Variants in TSPEAR observed in about 807,000 individuals in gnomAD.
The protein encoded by TSPEAR is thrombospondin type laminin G domain and EAR repeats.
TSPEAR carries 69 observed loss-of-function variants against 71.6 expected under a neutral mutation model. The ratio of observed to expected loss-of-function variants is 0.96; its 90% CI spans 0.79 to 1.18. TSPEAR has a LOEUF of 1.18. TSPEAR is among the 50% of genes most tolerant of loss of function. TSPEAR has a pLI of 0.00. For synonymous variants in TSPEAR, 402 were observed against 387.2 expected, an observed-to-expected ratio of 1.04 and a Z score of -0.45; for missense variants, 971 against 894.9, an observed-to-expected ratio of 1.09 and a Z score of -1.09.
At chr21:44,511,901 G>A (rs751286173) in intron 9 of TSPEAR, among the ~76,000 whole-genome samples, 192 of 152,264 alleles carry the variant, frequency 1.3e-3, no homozygotes, top group Non-Finnish European at 2.1e-3. Flanking sequence ...GGGCTGAGCC[G>A]GGCATCACAT....
At chr21:44,603,546 G>GC (rs1303974494) in intron 1 of TSPEAR, among the ~76,000 whole-genome samples, 2 of 152,172 alleles carry the variant, frequency 1.3e-5, no homozygotes, top group Non-Finnish European at 2.9e-5. Context: ...GGGGAAACAC[G>GC]CCCCCCACGC....
intron 1 of TSPEAR, among the ~76,000 whole-genome samples, chr21:44,597,216 T>C (rs1555927713): frequency 2.6e-5 from 4 of 152,098 alleles, no homozygotes; most frequent in Admixed American, 2.0e-4. Flanking sequence ...TTTTAAGCTA[T>C]GTAATTAGAT....
chr21:44,557,757 A>G (rs2838589), intron 2 of TSPEAR: 101,724 of 453,696 alleles, frequency 0.22, 13,402 homozygotes, highest in East Asian at 0.39. Flanking sequence ...TTCTTCCCAC[A>G]GGGTTTGCCA....
chr21:44,652,090 TCTC>T (rs1446323203), intron 1 of TSPEAR, among the ~76,000 whole-genome samples: 2 of 151,486 alleles, frequency 1.3e-5, no homozygotes, highest in Admixed American at 6.6e-5. Context: ...TTCACACAAT[TCTC>T]CTGCCTCAGC....
intron 1 of TSPEAR, chr21:44,647,108 A>G: frequency 3.1e-6 from 5 of 1,613,462 alleles, no homozygotes; most frequent in South Asian, 1.1e-5. Context: ...TCACGCTGCC[A>G]GCAGCCTAGC....
rs781894199 is a variant in TSPEAR, at chr21:44,666,434, G to A, written c.82+44999C>T. ...CATCTGCACTGGGAGCAGCGGGTCT[G>A]GAGATTCATGCTCAGCAGCAGGAAG... On this transcript the variant is annotated intron_variant, in intron 1 of 11. Coordinates refer to ENST00000323084, the MANE Select transcript of TSPEAR (RefSeq NM_144991.3). 4.5e-6 allele frequency: 7 copies of A among 1,568,284 alleles called. No homozygotes were observed. The Admixed American group carries it at 1.0e-4, about 23-fold the overall frequency.
At chr21:44,557,560 G>A (rs2053553040) in intron 2 of TSPEAR, among the ~76,000 whole-genome samples, 1 of 152,150 alleles carries the variant, frequency 6.6e-6, no homozygotes, top group Non-Finnish European at 1.5e-5. Context: ...GGCCGGGCCG[G>A]GTGGGTGTGG....
Position 44,612,957 on chromosome 21 carries a change from G to C in TSPEAR, c.83-44952C>G. 6.4e-7 allele frequency: 1 copy of C among 1,570,324 alleles called. No homozygotes were observed. The highest frequency in any genetic ancestry group is 8.6e-7 in the Non-Finnish European group (1 of 1,161,506). On this transcript the variant is annotated intron_variant, in intron 1 of 11. Transcript: ENST00000323084. The surrounding 1 kb of genome is among the most constrained non-coding windows in gnomAD (Gnocchi z 4.1). ...CCAGCCGGCTCCGGTCCTGTCCTGG[G>C]TTAAGTGGCTGCCCCTACCTGGGAT...
Position 44,519,115 on chromosome 21 carries a change from G to A in TSPEAR, c.1566+2768C>T, listed in dbSNP as rs190947881. The A allele has an allele frequency of 9.1e-3, 1,399 of 154,124 alleles. 10 individuals carry two copies. Among genetic ancestry groups the A allele is most frequent in the South Asian group, 0.017 (84 of 5,038 alleles). 9.5% of individuals were successfully genotyped at this position (154,124 alleles called of 1,614,324 possible). A position where few individuals can be genotyped will look rare whatever the true frequency, so the allele number is the denominator to read the frequency against. On this transcript the variant is annotated intron_variant, in intron 9 of 11. Transcript: ENST00000323084. ...GTGATCTCGGCTCACTGCAAGCTCC[G>A]CCTCCCGGGTTCACGCCATTCTCCT... is the stretch of plus-strand genomic sequence containing the variant.
rs1569190290 is a variant in TSPEAR at position 44,567,843 on chromosome 21, A to C, written c.245T>G (p.Leu82Arg). 6.2e-7 allele frequency: 1 copy of C among 1,607,810 alleles called. No individual in the cohort carries two copies. Among genetic ancestry groups the C allele is most frequent in the Non-Finnish European group, 8.5e-7 (1 of 1,176,450 alleles). ...PASRIFSQCD[L>R]FPEEFSIVVT... ...GACGATGGAAAATTCTTCAGGGAAGAGGTCACACTGGGAGAAAATCCTGGA... is the reference window on the plus strand; with the variant it reads ...GACGATGGAAAATTCTTCAGGGAAGCGGTCACACTGGGAGAAAATCCTGGA... The change falls in exon 2 of 12, where the codon CTC (leucine) becomes CGC (arginine). Residue 82 changes from leucine to arginine, a missense_variant. Coordinates refer to ENST00000323084, the MANE Select transcript of TSPEAR (RefSeq NM_144991.3).
intron 1 of TSPEAR, among the ~76,000 whole-genome samples, chr21:44,674,086 G>T (rs1426576054): frequency 6.8e-6 from 1 of 147,948 alleles, no homozygotes; most frequent in Non-Finnish European, 1.5e-5. Context: ...GGAGTTTAAG[G>T]CCAGTCTGAG....
At chr21:44,601,737 G>A (rs1555928908) in intron 1 of TSPEAR, 2 of 1,608,656 alleles carry the variant, frequency 1.2e-6, no homozygotes, top group Non-Finnish European at 8.5e-7. Context: ...GCTGCTGAGT[G>A]ATCTCCTTAA....
In TSPEAR at chr21:44,612,471, G is replaced by C. The variant is rs782040508; in HGVS notation, c.83-44466C>G. On this transcript the variant is annotated intron_variant, in intron 1 of 11. Transcript: ENST00000323084. The surrounding 1 kb of genome is among the most constrained non-coding windows in gnomAD (Gnocchi z 4.1). Reference sequence around the variant, plus strand: ...CAGGCCTGCTGTGTGCCTGTGTGCTGCAAGTCCAACTGCTGCAAGCCCGTG... The same window carrying C: ...CAGGCCTGCTGTGTGCCTGTGTGCTCCAAGTCCAACTGCTGCAAGCCCGTG... 4 of 1,610,296 alleles carry C rather than the reference G, an allele frequency of 2.5e-6. No individual in the cohort carries two copies. The Admixed American group carries it at 6.7e-5, about 27-fold the overall frequency.
Position 44,520,649 on chromosome 21 carries a change from C to T in TSPEAR, c.1566+1234G>A, listed in dbSNP as rs2052716860. The T allele has an allele frequency of 6.6e-6, 1 of 152,292 alleles. No homozygotes were observed. The highest frequency in any genetic ancestry group is 2.4e-5 in the African/African-American group (1 of 41,464). 9.4% of individuals were successfully genotyped at this position (152,292 alleles called of 1,614,324 possible). On this transcript the variant is annotated intron_variant, in intron 9 of 11. Coordinates refer to ENST00000323084, the MANE Select transcript of TSPEAR (RefSeq NM_144991.3). The surrounding 1 kb of genome is among the most constrained non-coding windows in gnomAD (Gnocchi z 4.2). The stretch of plus-strand genomic sequence containing the variant: ...GTTTCCTAAGCTGCTCTTACTCCTG[C>T]TGGGTGGAGGGGCTCCAGGAACCTG...
chr21:44,671,693 G>A (rs187209065), intron 1 of TSPEAR, among the ~76,000 whole-genome samples: 2 of 152,130 alleles, frequency 1.3e-5, no homozygotes, highest in African/African-American at 2.4e-5. Flanking sequence ...CACATCTGCA[G>A]GAAAAAGTCT....
chr21:44,611,295 A>C (rs1203811329), intron 1 of TSPEAR, among the ~76,000 whole-genome samples: 1 of 152,114 alleles, frequency 6.6e-6, no homozygotes, highest in African/African-American at 2.4e-5. Flanking sequence ...GGGGGAGATA[A>C]TTGAATCATG....
chr21:44,612,014 C>G lies in TSPEAR; in HGVS notation c.83-44009G>C. 5.8e-6 allele frequency: 8 copies of G among 1,375,206 alleles called. No individual in the cohort carries two copies. The highest frequency in any genetic ancestry group is 1.4e-5 in the African/African-American group (1 of 69,954). The allele number at this position is 1,375,206 out of a possible 1,614,324, so 85.2% of individuals were successfully genotyped here. A position where few individuals can be genotyped will look rare whatever the true frequency, so the allele number is the denominator to read the frequency against. On this transcript the variant is annotated intron_variant, in intron 1 of 11. Coordinates refer to ENST00000323084, the MANE Select transcript of TSPEAR (RefSeq NM_144991.3). This position sits in a 1 kb window ranked among gnomAD's most constrained non-coding sequence, Gnocchi z 4.1. ...GTGAGACTCCTGTGAGGAAAATACC[C>G]AGGGAGGGTATAAAACCTCAGCAGC...
chr21:44,511,678 C>T (rs1555912727), intron 9 of TSPEAR, among the ~76,000 whole-genome samples: 1 of 152,280 alleles, frequency 6.6e-6, no homozygotes, highest in East Asian at 1.9e-4. Flanking sequence ...ACGCCTCCAG[C>T]CCTGGGCGTC....
chr21:44,697,872 G>A, intron 1 of TSPEAR: 1 of 1,603,414 alleles, frequency 6.2e-7, no homozygotes. Flanking sequence ...TGCCAGCCAA[G>A]CTGCGGCCGC....
Sources: gnomAD v4.1 joint callset for allele counts (sites outside exome capture counted in the v4.1 genomes callset) on GRCh38, gnomAD v4.1.1 for gene constraint, Gnocchi (gnomAD v3.1) non-coding constraint, MANE v1.5 for transcripts, NCBI Gene and HGNC (gene_info 2026-07-23, HGNC 2026-07-21) for gene names.